The following FKBP5 variants were observed in gnomAD, a reference collection of about 807,000 sequenced individuals.
FKBP5 encodes peptidyl-prolyl cis-trans isomerase FKBP5.
FKBP5 carries 23 observed loss-of-function variants against 50.5 expected under a neutral mutation model. That is an observed-to-expected ratio of 0.46 (90% CI 0.33 to 0.65). The LOEUF is 0.65. Ranked by LOEUF, FKBP5 falls within the 30% of genes least tolerant of loss-of-function variation. The pLI is 0.02. For synonymous variants in FKBP5, 176 were observed against 190.6 expected (o/e 0.92, Z 0.63); for missense variants, 411 against 553.1 (o/e 0.74, Z 2.58).
intron 1 of FKBP5, among the ~76,000 whole-genome samples, chr6:35,725,354 T>A (rs1159840033): frequency 6.6e-6 from 1 of 152,134 alleles, no homozygotes; most frequent in Non-Finnish European, 1.5e-5. Context: ...TGCTGTCACT[T>A]GTCTAGCTGG....
intron 1 of FKBP5, among the ~76,000 whole-genome samples, chr6:35,653,964 A>G (rs2150995915): frequency 6.6e-6 from 1 of 152,318 alleles, no homozygotes; most frequent in Non-Finnish European, 1.5e-5. Context: ...AATAAAAAAT[A>G]TTGTATAATA....
intron 2 of FKBP5, among the ~76,000 whole-genome samples, chr6:35,709,203 A>G (rs888177924): frequency 6.6e-6 from 1 of 152,218 alleles, no homozygotes; most frequent in African/African-American, 2.4e-5. Flanking sequence ...TGGCAGGCGA[A>G]GAGTGCTTGC....
chr6:35,693,883 A>T (rs1766041777), upstream of FKBP5, among the ~76,000 whole-genome samples: 1 of 151,316 alleles, frequency 6.6e-6, no homozygotes, highest in Non-Finnish European at 1.5e-5. Context: ...CCCTGCTATA[A>T]TTTTCAGGCT....
intron 2 of FKBP5, among the ~76,000 whole-genome samples, chr6:35,707,213 G>T (rs1227158439): frequency 4.6e-5 from 4 of 87,684 alleles, no homozygotes; most frequent in African/African-American, 2.1e-4. Flanking sequence ...AGTATGAGAA[G>T]ACTTTTTTTT....
At chr6:35,626,557 T>G (rs1372991682) in intron 3 of FKBP5, among the ~76,000 whole-genome samples, 1 of 152,208 alleles carries the variant, frequency 6.6e-6, no homozygotes, top group Admixed American at 6.5e-5. Flanking sequence ...TCACTATTTT[T>G]AAGTATATTC....
At position 35,660,084 on chromosome 6, in the gene FKBP5, A is replaced by G. The variant is rs1235054792; in HGVS notation, c.-19-17241T>C. 6.0e-5 allele frequency among the ~76,000 whole-genome samples: 5 copies of G among 83,684 alleles called. 2 individuals carry two copies. Among genetic ancestry groups the G allele is most frequent in the Non-Finnish European group, 1.4e-4 (5 of 36,520 alleles). The allele number at this position is 83,684 out of a possible 152,430, so 54.9% of individuals were successfully genotyped here. A position where few individuals can be genotyped will look rare whatever the true frequency, so the allele number is the denominator to read the frequency against. ...TCTGATATGATTTTCATTAAGTACA[A>G]AATACTTTCTAAATTCATCTTTGAT... On this transcript the variant is annotated intron_variant, in intron 1 of 10. Transcript: ENST00000357266.
At chr6:35,713,106 AGAAG>A (rs1413950296) in intron 2 of FKBP5, among the ~76,000 whole-genome samples, 1 of 148,558 alleles carries the variant, frequency 6.7e-6, no homozygotes, top group Non-Finnish European at 1.5e-5. Context: ...AAAAAAAAGA[AGAAG>A]AAGAAAGAAA....
chr6:35,642,561 AC>A (rs1764522310), intron 2 of FKBP5, among the ~76,000 whole-genome samples, 158 bp downstream of exon 2: 1 of 152,246 alleles, frequency 6.6e-6, no homozygotes, highest in African/African-American at 2.4e-5. Context: ...CTTAAAAAAA[AC>A]CTTGAAGTTA....
chr6:35,640,772 CTTTT>C (rs993580316), intron 2 of FKBP5, among the ~76,000 whole-genome samples: 10 of 151,716 alleles, frequency 6.6e-5, no homozygotes, highest in African/African-American at 2.4e-4. Flanking sequence ...ACTTTTTAAA[CTTTT>C]TTTTGTTTAA....
At chr6:35,647,063 G>A (rs1023814552) in intron 1 of FKBP5, among the ~76,000 whole-genome samples, 4 of 152,126 alleles carry the variant, frequency 2.6e-5, no homozygotes, top group African/African-American at 9.7e-5. Flanking sequence ...ACTAACAGGA[G>A]AGTTTTCAGA....
At chr6:35,653,454 A>G (rs1764867615) in intron 1 of FKBP5, among the ~76,000 whole-genome samples, 1 of 152,192 alleles carries the variant, frequency 6.6e-6, no homozygotes, top group African/African-American at 2.4e-5. Flanking sequence ...CCAATTTCAT[A>G]TTGACGATAC....
At chr6:35,714,555 G>A (rs1048904955) in intron 2 of FKBP5, among the ~76,000 whole-genome samples, 4 of 146,546 alleles carry the variant, frequency 2.7e-5, no homozygotes, top group Non-Finnish European at 6.0e-5. Flanking sequence ...GGTGGCTCAC[G>A]CCTGTAATCA....
At chr6:35,615,959 T>C (rs1763640136) in intron 5 of FKBP5, among the ~76,000 whole-genome samples, 1 of 152,082 alleles carries the variant, frequency 6.6e-6, no homozygotes, top group Non-Finnish European at 1.5e-5. Context: ...AACCTCAATC[T>C]AAAAACATCC....
intron 3 of FKBP5, among the ~76,000 whole-genome samples, chr6:35,636,399 A>G (rs1034260781): frequency 1.3e-5 from 2 of 152,210 alleles, no homozygotes; most frequent in African/African-American, 4.8e-5. Flanking sequence ...GCATAATCAG[A>G]TTTGCCCTTT....
At chr6:35,649,362 C>A (rs1259624157) in intron 1 of FKBP5, among the ~76,000 whole-genome samples, 1 of 150,542 alleles carries the variant, frequency 6.6e-6, no homozygotes. Flanking sequence ...GCAATTACCT[C>A]TGAAATCTTT....
rs143691075 is a variant in FKBP5, at chr6:35,700,732, C to T, written c.-20+19596G>A. The stretch of plus-strand genomic sequence containing the variant: ...CAGCACTTTGGGAGGCCGAGGTGGG[C>T]GGATCACCTGAGGTCAGGAGTTCGA... On this transcript the variant is annotated intron_variant, in intron 2 of 11. Transcript: ENST00000536438. 1.4e-3 allele frequency among the ~76,000 whole-genome samples: 215 copies of T among 152,200 alleles called. 1 individual carries two copies. The highest frequency in any genetic ancestry group is 4.8e-3 in the African/African-American group (200 of 41,528).
intron 1 of FKBP5, chr6:35,664,869 A>G (rs1192682014): frequency 6.5e-6 from 1 of 153,202 alleles, no homozygotes; most frequent in African/African-American, 2.4e-5. Context: ...TATGTTTTTA[A>G]GGAAAATTAA....
chr6:35,588,032 AT>A (rs1005583768), intron 7 of FKBP5, among the ~76,000 whole-genome samples: 2 of 144,236 alleles, frequency 1.4e-5, no homozygotes, highest in African/African-American at 5.2e-5. Context: ...TATTATTATT[AT>A]TTTTTTTTTG....
intron 1 of FKBP5, among the ~76,000 whole-genome samples, chr6:35,676,319 C>T (rs1057387625): frequency 6.6e-6 from 1 of 152,196 alleles, no homozygotes; most frequent in Non-Finnish European, 1.5e-5. Context: ...TGAGAAACAG[C>T]CCCTGAAAAA....
Sources: gnomAD v4.1 joint callset for allele counts (sites outside exome capture counted in the v4.1 genomes callset) on GRCh38, gnomAD v4.1.1 for gene constraint, MANE v1.5 for transcripts, NCBI Gene and HGNC (gene_info 2026-07-23, HGNC 2026-07-21) for gene names.